The following RXFP2 variants were observed in gnomAD, a reference collection of about 807,000 sequenced individuals.
The protein encoded by RXFP2 is relaxin family peptide receptor 2.
In RXFP2, 68 loss-of-function variants were observed where a neutral mutation model predicts 88.6. That is an observed-to-expected ratio of 0.77 (90% CI 0.63 to 0.94). RXFP2 has a LOEUF of 0.94. Among genes scored for constraint, RXFP2 ranks in the 40% least tolerant of loss-of-function variants. The pLI is 0.00. For synonymous variants in RXFP2, 329 were observed against 306.8 expected, an observed-to-expected ratio of 1.07 and a Z score of -0.76; for missense variants, 791 against 893.9, an observed-to-expected ratio of 0.88 and a Z score of 1.47.
rs147238813 is a variant in RXFP2 at position 31,795,205 on chromosome 13, A to G, written c.1787-1996A>G. Among the ~76,000 whole-genome samples, 1,327 of 150,500 alleles carry G rather than the reference A, an allele frequency of 8.8e-3. 32 individuals carry two copies. The highest frequency in any genetic ancestry group is 7.9e-3 in the Non-Finnish European group (535 of 67,828). Reference sequence around the variant, plus strand: ...TGCCCTGTCTCCCAGGCTGGAGTGCAGTAGCGCCATCTCGGCTCCCTGCAA... The same window carrying G: ...TGCCCTGTCTCCCAGGCTGGAGTGCGGTAGCGCCATCTCGGCTCCCTGCAA... On this transcript the variant is annotated intron_variant, in intron 16 of 17. Coordinates refer to ENST00000298386, the MANE Select transcript of RXFP2 (RefSeq NM_130806.5).
At chr13:31,739,814 A>C (rs1271590527) in intron 1 of RXFP2, 108 bp downstream of exon 1, 10 of 758,994 alleles carry the variant, frequency 1.3e-5, no homozygotes, top group Admixed American at 2.0e-5. Flanking sequence ...TAAAAAAAAA[A>C]CAGACATCAA....
chr13:31,780,338 T>C (rs1394192867), intron 9 of RXFP2, among the ~76,000 whole-genome samples: 1 of 152,034 alleles, frequency 6.6e-6, no homozygotes, highest in African/African-American at 2.4e-5. Context: ...CGTTACTTGC[T>C]GTCAAGTTGG....
intron 2 of RXFP2, among the ~76,000 whole-genome samples, chr13:31,761,083 T>A (rs1490220710): frequency 6.6e-6 from 1 of 151,994 alleles, no homozygotes; most frequent in Non-Finnish European, 1.5e-5. Context: ...GTCTCCCAAG[T>A]AGCTAGGACT....
At chr13:31,748,157 G>A (rs995860489) in intron 1 of RXFP2, among the ~76,000 whole-genome samples, 7 of 152,152 alleles carry the variant, frequency 4.6e-5, no homozygotes, top group African/African-American at 1.7e-4. Context: ...ATTATTTCTG[G>A]CTTGGGGCTA....
chr13:31,775,874 T>C (rs1160338854), intron 7 of RXFP2, among the ~76,000 whole-genome samples: 1 of 152,242 alleles, frequency 6.6e-6, no homozygotes, highest in East Asian at 1.9e-4. Flanking sequence ...ATGTCTGTGC[T>C]TTCACCAGGA....
intron 14 of RXFP2, among the ~76,000 whole-genome samples, 160 bp from the exon 15 acceptor site, chr13:31,791,646 T>C (rs1873795793): frequency 6.6e-6 from 1 of 152,206 alleles, no homozygotes; most frequent in East Asian, 1.9e-4. Flanking sequence ...CTGCCTAGTG[T>C]TTCATGAAGA....
At position 31,758,410 on chromosome 13, in the gene RXFP2, T is replaced by G. The variant is rs777622834; in HGVS notation, c.241+6T>G. 6.2e-7 allele frequency: 1 copy of G among 1,613,972 alleles called. No homozygotes were observed. Among genetic ancestry groups the G allele is most frequent in the African/African-American group, 1.3e-5 (1 of 75,008 alleles). ...GGCGGACGAAGAGAACTGTGGTGAG[T>G]GCTCCCCTCGGCTCCCCATGTGTGC... is the stretch of plus-strand genomic sequence containing the variant. On this transcript the variant is annotated splice_donor_region_variant and intron_variant, in intron 2 of 17. Coordinates refer to ENST00000298386, the MANE Select transcript of RXFP2 (RefSeq NM_130806.5).
intron 9 of RXFP2, 47 bp downstream of exon 9, chr13:31,778,630 A>G (rs780419599): frequency 1.6e-6 from 2 of 1,283,832 alleles, no homozygotes; most frequent in Non-Finnish European, 2.3e-6. Context: ...CTGATTAAGG[A>G]AACTAGCCAT....
intron 1 of RXFP2, among the ~76,000 whole-genome samples, chr13:31,741,941 T>C (rs369515773): frequency 6.6e-6 from 1 of 152,230 alleles, no homozygotes; most frequent in East Asian, 1.9e-4. Context: ...TGTTGAAATA[T>C]GTCCATAAAA....
rs182507409 is a variant in RXFP2, at chr13:31,802,063, T to C, written c.2006-83T>C. 2.1e-4 allele frequency: 288 copies of C among 1,381,560 alleles called. 1 individual carries two copies. The African/African-American group carries it at 3.8e-3, about 18-fold the overall frequency. The allele number at this position is 1,381,560 out of a possible 1,614,324, so 85.6% of individuals were successfully genotyped here. A position where few individuals can be genotyped will look rare whatever the true frequency, so the allele number is the denominator to read the frequency against. On this transcript the variant is annotated intron_variant, in intron 17 of 17. Coordinates refer to ENST00000298386, the MANE Select transcript of RXFP2 (RefSeq NM_130806.5). ...ATGTACTATGTCTCCCTCTCATAAA[T>C]AGCATTGACTGCAAAGTGTTATTTG...
At chr13:31,766,619 A>G (rs180799017) in intron 5 of RXFP2, among the ~76,000 whole-genome samples, 16 of 152,298 alleles carry the variant, frequency 1.1e-4, no homozygotes, top group Admixed American at 9.2e-4. Context: ...CCTAGAGATG[A>G]TCTCTCTTGG....
At chr13:31,793,281 G>A (rs1226058825) in intron 16 of RXFP2, among the ~76,000 whole-genome samples, 193 bp downstream of exon 16, 2 of 152,084 alleles carry the variant, frequency 1.3e-5, no homozygotes. Context: ...AATATTTAGT[G>A]TGGAAAATAA....
intron 3 of RXFP2, among the ~76,000 whole-genome samples, chr13:31,764,245 A>ACT (rs1872442505): frequency 2.2e-5 from 2 of 92,706 alleles, no homozygotes; most frequent in African/African-American, 4.7e-5. Flanking sequence ...TCTCTCTTTC[A>ACT]CACACACACA....
intron 1 of RXFP2, among the ~76,000 whole-genome samples, chr13:31,741,436 T>A (rs1871221387): frequency 6.6e-6 from 1 of 152,190 alleles, no homozygotes; most frequent in African/African-American, 2.4e-5. Context: ...GCTCTATAAT[T>A]AGTAAAACTC....
intron 11 of RXFP2, 132 bp from the exon 12 acceptor site, chr13:31,786,251 C>T: frequency 2.7e-6 from 2 of 753,272 alleles, no homozygotes; most frequent in Non-Finnish European, 4.8e-6. Flanking sequence ...TGTTGTGTAA[C>T]AAGTTATCAG....
At chr13:31,754,365 T>C (rs1398431028) in intron 1 of RXFP2, among the ~76,000 whole-genome samples, 1 of 152,174 alleles carries the variant, frequency 6.6e-6, no homozygotes, top group Non-Finnish European at 1.5e-5. Context: ...ACCCCATCTC[T>C]ACTAAATATA....
chr13:31,801,469 G>A (rs901913846), intron 17 of RXFP2, among the ~76,000 whole-genome samples: 17 of 152,012 alleles, frequency 1.1e-4, no homozygotes, highest in Admixed American at 1.0e-3. Context: ...ATCAGGCCAC[G>A]TGTAAAGGGA....
Position 31,777,407 on chromosome 13 carries a change from T to A in RXFP2, c.673T>A (p.Ser225Thr), listed in dbSNP as rs770678345. 5.7e-5 allele frequency: 92 copies of A among 1,612,186 alleles called. No homozygotes were observed. The highest frequency in any genetic ancestry group is 7.5e-5 in the Non-Finnish European group (88 of 1,178,786). ...ILDDNPITRISQRLFTGLNSL... is the reference protein window; with the variant it reads ...ILDDNPITRITQRLFTGLNSL... ...AGATGACAATCCAATAACCAGAATTTCACAGCGCTTGTTTACGGGATTAAA... is the reference window on the plus strand; with the variant it reads ...AGATGACAATCCAATAACCAGAATTACACAGCGCTTGTTTACGGGATTAAA... The change falls in exon 8 of 18, where the codon TCA becomes ACA. Residue 225 changes from serine (S) to threonine (T), a missense_variant. Transcript: ENST00000298386.
chr13:31,750,834 AAAG>A (rs1375881992), intron 1 of RXFP2, among the ~76,000 whole-genome samples: 34 of 152,216 alleles, frequency 2.2e-4, no homozygotes, highest in African/African-American at 7.7e-4. Context: ...AAAGTGTGGT[AAAG>A]AAGTGGAGAC....
Sources: allele counts gnomAD v4.1 joint callset (sites outside exome capture counted in the v4.1 genomes callset), GRCh38; gene constraint gnomAD v4.1.1; transcripts MANE v1.5; gene names NCBI Gene and HGNC (gene_info 2026-07-23, HGNC 2026-07-21).